The following CNGB3 variants were observed in gnomAD, a reference collection of about 807,000 sequenced individuals.
CNGB3 encodes cyclic nucleotide-gated channel beta-3.
A neutral mutation model predicts 92.8 loss-of-function variants in CNGB3; 86 were observed. The ratio of observed to expected loss-of-function variants is 0.93; its 90% CI spans 0.78 to 1.11. The LOEUF is 1.11. Among genes scored for constraint, CNGB3 ranks in the 50% least tolerant of loss-of-function variants. The probability of loss-of-function intolerance (pLI) is 0.00; values close to 1 mark genes in which losing one functional copy is unlikely to be tolerated. For synonymous variants in CNGB3, 333 were observed against 332.7 expected (o/e 1.00, Z -0.01); for missense variants, 1,026 against 956.8 (o/e 1.07, Z -0.95).
intron 6 of CNGB3, chr8:86,661,265 G>A: frequency 5.9e-6 from 2 of 338,524 alleles, no homozygotes; most frequent in Non-Finnish European, 1.2e-5. Context: ...GACTATCAGG[G>A]TCGACCTTCT....
intron 6 of CNGB3, among the ~76,000 whole-genome samples, chr8:86,655,239 G>T (rs1291033130): frequency 6.6e-6 from 1 of 152,074 alleles, no homozygotes; most frequent in Non-Finnish European, 1.5e-5. Flanking sequence ...TGTTCCCCTT[G>T]ATCCATTCTA....
intron 7 of CNGB3, among the ~76,000 whole-genome samples, chr8:86,652,465 T>G (rs184863991): frequency 2.6e-5 from 4 of 152,160 alleles, no homozygotes; most frequent in Admixed American, 2.0e-4. Context: ...TTTGAATTTT[T>G]AAAAACTTTT....
intron 14 of CNGB3, among the ~76,000 whole-genome samples, chr8:86,604,960 T>C (rs9297935): frequency 0.27 from 40,959 of 152,058 alleles, 5,922 homozygotes; most frequent in Admixed American, 0.41. Flanking sequence ...GTCTGAATCA[T>C]GTCTGGTCAT....
intron 6 of CNGB3, chr8:86,659,014 G>A (rs1046623546): frequency 1.2e-5 from 12 of 1,022,456 alleles, no homozygotes; most frequent in African/African-American, 3.1e-5. Context: ...AGCTCCTTCC[G>A]CAGGTGCTCG....
At chr8:86,685,373 A>C (rs1030127387) in intron 3 of CNGB3, among the ~76,000 whole-genome samples, 8 of 152,020 alleles carry the variant, frequency 5.3e-5, no homozygotes, top group Non-Finnish European at 1.0e-4. Context: ...GGCCTATTGA[A>C]TCAGAATCTG....
intron 15 of CNGB3, among the ~76,000 whole-genome samples, chr8:86,585,697 G>T (rs1275013181): frequency 6.6e-6 from 1 of 152,158 alleles, no homozygotes; most frequent in Non-Finnish European, 1.5e-5. Flanking sequence ...TTGGCTTAAA[G>T]ACAGGCAGAA....
chr8:86,706,648 T>G (rs1248332816), intron 3 of CNGB3, among the ~76,000 whole-genome samples: 6 of 152,206 alleles, frequency 3.9e-5, no homozygotes, highest in African/African-American at 1.4e-4. Flanking sequence ...AAGTCCAGAC[T>G]TAAACCATTG....
chr8:86,587,323 C>T (rs1484696810), intron 15 of CNGB3, among the ~76,000 whole-genome samples: 1 of 152,144 alleles, frequency 6.6e-6, no homozygotes, highest in Non-Finnish European at 1.5e-5. Context: ...TTTTGCCGTG[C>T]AGAAGCTCTT....
At chr8:86,582,548 G>A (rs1301122060) in intron 15 of CNGB3, among the ~76,000 whole-genome samples, 1 of 152,204 alleles carries the variant, frequency 6.6e-6, no homozygotes, top group Middle Eastern at 3.4e-3. Flanking sequence ...TATTCCAACT[G>A]CAGAAAACCA....
rs186478654 is a variant in CNGB3 at position 86,649,236 on chromosome 8, G to A, written c.904-1349C>T. On this transcript the variant is annotated intron_variant, in intron 7 of 17. Coordinates refer to ENST00000320005, the MANE Select transcript of CNGB3 (RefSeq NM_019098.5). The stretch of plus-strand genomic sequence containing the variant: ...GAAGGATCAATATTGTAAAAATGAC[G>A]ATACTGCCAAAAGCAATCTACAGAT... Among the ~76,000 whole-genome samples the A allele has an allele frequency of 2.8e-3, 424 of 151,394 alleles. 2 individuals are homozygous for A. Among genetic ancestry groups the A allele is most frequent in the Non-Finnish European group, 4.4e-3 (297 of 67,500 alleles).
intron 3 of CNGB3, among the ~76,000 whole-genome samples, chr8:86,699,470 G>GTC (rs977320181): frequency 5.9e-5 from 9 of 151,802 alleles, no homozygotes; most frequent in South Asian, 2.1e-4. Context: ...GACCCCATCT[G>GTC]TCTCTCTCTC....
chr8:86,599,433 A>G (rs1822244612), intron 15 of CNGB3, among the ~76,000 whole-genome samples: 1 of 152,232 alleles, frequency 6.6e-6, no homozygotes, highest in Admixed American at 6.5e-5. Flanking sequence ...ACAGGATAAC[A>G]GCAATGTTCA....
At chr8:86,579,030 T>C in intron 16 of CNGB3, 76 bp downstream of exon 16, 1 of 1,584,212 alleles carries the variant, frequency 6.3e-7, no homozygotes, top group African/African-American at 1.3e-5. Flanking sequence ...ACAATCATAA[T>C]ACGGTTCTCC....
At chr8:86,578,626 G>T in intron 17 of CNGB3, 63 bp downstream of exon 17, 3 of 1,483,062 alleles carry the variant, frequency 2.0e-6, no homozygotes, top group Non-Finnish European at 2.8e-6. Flanking sequence ...GTGGGCGTTT[G>T]TGTGTATATA....
rs188478579 is a variant in CNGB3, at chr8:86,715,831, G to C, written c.338+10700C>G. On this transcript the variant is annotated intron_variant, in intron 3 of 17. Coordinates refer to ENST00000320005, the MANE Select transcript of CNGB3 (RefSeq NM_019098.5). ...CACACACTGGGGCCTGTCGTGGGGT[G>C]GGGGGAGGGGGGAGGGATAGCATTA... 5.2e-5 allele frequency among the ~76,000 whole-genome samples: 6 copies of C among 115,310 alleles called. 1 individual carries two copies. In the South Asian group the frequency reaches 1.4e-3, roughly 28 times the overall value. The allele number at this position is 115,310 out of a possible 152,430, so 75.6% of individuals were successfully genotyped here.
chr8:86,606,700 T>A (rs1314185416), intron 14 of CNGB3, among the ~76,000 whole-genome samples: 1 of 152,248 alleles, frequency 6.6e-6, no homozygotes, highest in Non-Finnish European at 1.5e-5. Context: ...TTCATCTAAT[T>A]CTTGCAAAAA....
At chr8:86,629,197 C>A (rs1241978926) in intron 11 of CNGB3, 119 bp from the exon 12 acceptor site, 4 of 1,167,462 alleles carry the variant, frequency 3.4e-6, no homozygotes, top group Non-Finnish European at 1.3e-6. Context: ...TGATTTTATT[C>A]ATTCATTCAT....
chr8:86,687,556 T>G (rs1290490360), intron 3 of CNGB3, among the ~76,000 whole-genome samples: 1 of 151,972 alleles, frequency 6.6e-6, no homozygotes, highest in East Asian at 1.9e-4. Flanking sequence ...GAGAAACTGT[T>G]CAATGTGTAA....
At chr8:86,693,276 T>C (rs13261311) in intron 3 of CNGB3, among the ~76,000 whole-genome samples, 81,863 of 151,840 alleles carry the variant, frequency 0.54, 22,599 homozygotes, top group South Asian at 0.71. Flanking sequence ...GTCTAGATAT[T>C]TAGCAAGACT....
Sources: allele counts gnomAD v4.1 joint callset (sites outside exome capture counted in the v4.1 genomes callset), GRCh38; gene constraint gnomAD v4.1.1; transcripts MANE v1.5; gene names NCBI Gene and HGNC (gene_info 2026-07-23, HGNC 2026-07-21).